Variants in LMNA observed in about 807,000 individuals in gnomAD.
LMNA encodes the protein lamin.
LMNA carries 20 observed loss-of-function variants against 70.4 expected under a neutral mutation model. The observed-to-expected ratio is 0.28, with a 90% CI of 0.20 to 0.41. The LOEUF is 0.41. Ranked by LOEUF, LMNA falls within the 10% of genes least tolerant of loss-of-function variation. The pLI is 1.00. For synonymous variants in LMNA, 339 were observed against 372.8 expected, an observed-to-expected ratio of 0.91 and a Z score of 1.04; for missense variants, 652 against 917.2, an observed-to-expected ratio of 0.71 and a Z score of 3.73.
At chr1:156,122,958 G>T (rs568336655) in intron 1 of LMNA, among the ~76,000 whole-genome samples, 1 of 152,336 alleles carries the variant, frequency 6.6e-6, no homozygotes, top group East Asian at 1.9e-4. Context: ...TGTGAGAGAG[G>T]AAGCCGGAAT....
rs368245673 is a variant in LMNA at position 156,137,353 on chromosome 1, C to T, written c.1608+121C>T. ...GGCCCCTTTCTAGAGCTCTCTGTTG[C>T]AGGCTCCAGACTTCTCCACCCAGTA... On this transcript the variant is annotated intron_variant, in intron 9 of 11. Transcript: ENST00000368300. The surrounding 1 kb of genome is among the most constrained non-coding windows in gnomAD (Gnocchi z 4.6). 3.5e-5 allele frequency: 46 copies of T among 1,330,668 alleles called. No individual in the cohort carries two copies. In the East Asian group the frequency reaches 6.3e-4, roughly 18 times the overall value. The allele number at this position is 1,330,668 out of a possible 1,614,324, so 82.4% of individuals were successfully genotyped here. A position where few individuals can be genotyped will look rare whatever the true frequency, so the allele number is the denominator to read the frequency against.
In LMNA at chr1:156,137,148, C is replaced by T. The variant is rs772978446; in HGVS notation, c.1524C>T (p.Pro508=). ...CAGGAGCTGGGGCCACCCACAGCCCCCCTACCGACCTGGTGTGGAAGGCAC... is the reference window on the plus strand; with the variant it reads ...CAGGAGCTGGGGCCACCCACAGCCCTCCTACCGACCTGGTGTGGAAGGCAC... ...WAAGAGATHS[P]PTDLVWKAQN... The change falls in exon 9 of 12, where the codon CCC becomes CCT. Residue 508 remains proline, a synonymous_variant. Coordinates refer to ENST00000368300, the MANE Select transcript of LMNA (RefSeq NM_170707.4). This position sits in a 1 kb window ranked among gnomAD's most constrained non-coding sequence, Gnocchi z 4.6. 6.2e-7 allele frequency: 1 copy of T among 1,613,292 alleles called. No individual in the cohort carries two copies. The highest frequency in any genetic ancestry group is 1.1e-5 in the South Asian group (1 of 90,968).
At chr1:156,122,762 G>A (rs190622337) in intron 1 of LMNA, among the ~76,000 whole-genome samples, 1 of 152,352 alleles carries the variant, frequency 6.6e-6, no homozygotes, top group Admixed American at 6.5e-5. Context: ...TTAGAGAACA[G>A]TGCCTGGAAC....
At chr1:156,119,972 T>C (rs1436249278) in intron 1 of LMNA, among the ~76,000 whole-genome samples, 1 of 152,176 alleles carries the variant, frequency 6.6e-6, no homozygotes, top group African/African-American at 2.4e-5. Flanking sequence ...TTCAGAGTTA[T>C]GGATTGGGCT....
chr1:156,109,071 T>C (rs1649445521), intron 3 of LMNA, among the ~76,000 whole-genome samples: 1 of 152,206 alleles, frequency 6.6e-6, no homozygotes, highest in Non-Finnish European at 1.5e-5. Context: ...AGTTTCCTCA[T>C]CTGTAAAATA....
chr1:156,121,170 C>T (rs968480710), intron 1 of LMNA, among the ~76,000 whole-genome samples: 2 of 151,634 alleles, frequency 1.3e-5, no homozygotes, highest in Admixed American at 1.3e-4. Flanking sequence ...CCACCTCAGC[C>T]TCCCAAGAAG....
chr1:156,137,428 A>G lies in LMNA; in HGVS notation c.1608+196A>G, dbSNP rs1367326608. 1.2e-6 allele frequency: 1 copy of G among 808,214 alleles called. No individual in the cohort carries two copies. Among genetic ancestry groups the G allele is most frequent in the South Asian group, 1.6e-5 (1 of 63,160 alleles). The allele number at this position is 808,214 out of a possible 1,614,324, so 50.1% of individuals were successfully genotyped here. ...ACAGCACAAGGGGTGGAAGTTAGACAGTGAGGATTGTTAAAGGCAGAGCCA... is the reference window on the plus strand; with the variant it reads ...ACAGCACAAGGGGTGGAAGTTAGACGGTGAGGATTGTTAAAGGCAGAGCCA... On this transcript the variant is annotated intron_variant, in intron 9 of 11. Coordinates refer to ENST00000368300, the MANE Select transcript of LMNA (RefSeq NM_170707.4). This position sits in a 1 kb window ranked among gnomAD's most constrained non-coding sequence, Gnocchi z 4.6.
intron 2 of LMNA, among the ~76,000 whole-genome samples, chr1:156,132,509 A>G (rs1651164577): frequency 6.6e-6 from 1 of 152,106 alleles, no homozygotes; most frequent in Admixed American, 6.6e-5. Flanking sequence ...TAAATAATAA[A>G]TAAAAGCTAA....
At position 156,114,990 on chromosome 1, in the gene LMNA, C is replaced by T. The variant is rs1572331957; in HGVS notation, c.72C>T (p.Thr24=). 8.1e-6 allele frequency: 13 copies of T among 1,598,384 alleles called. No individual in the cohort carries two copies. The highest frequency in any genetic ancestry group is 1.0e-5 in the Non-Finnish European group (12 of 1,172,812). ...AQASSTPLSP[T]RITRLQEKED... ...CCAGCTCCACTCCGCTGTCGCCCAC[C>T]CGCATCACCCGGCTGCAGGAGAAGG... The change falls in exon 1 of 12, where the codon ACC becomes ACT. Residue 24 remains threonine, a synonymous_variant. Coordinates refer to ENST00000368300, the MANE Select transcript of LMNA (RefSeq NM_170707.4).
rs1416175220 is a variant in LMNA, at chr1:156,136,192, C to T, written c.1158-22C>T. 6.2e-7 allele frequency: 1 copy of T among 1,612,322 alleles called. No individual in the cohort carries two copies. Among genetic ancestry groups the T allele is most frequent in the Admixed American group, 1.7e-5 (1 of 60,012 alleles). ...CGGCAACTGGCCTTGACTAGACCCCCACTTGGTCTCCCTCTCCCCAGGCTA... is the reference window on the plus strand; with the variant it reads ...CGGCAACTGGCCTTGACTAGACCCCTACTTGGTCTCCCTCTCCCCAGGCTA... On this transcript the variant is annotated intron_variant, in intron 6 of 11. Coordinates refer to ENST00000368300, the MANE Select transcript of LMNA (RefSeq NM_170707.4). The surrounding 1 kb of genome is among the most constrained non-coding windows in gnomAD (Gnocchi z 6.1).
intron 1 of LMNA, among the ~76,000 whole-genome samples, chr1:156,118,164 G>A (rs1480948935): frequency 3.3e-5 from 5 of 152,082 alleles, no homozygotes; most frequent in African/African-American, 1.2e-4. Context: ...GAACAATTTA[G>A]TTAGCAAGAC....
chr1:156,119,597 C>A (rs1650058623), intron 1 of LMNA, among the ~76,000 whole-genome samples: 1 of 152,192 alleles, frequency 6.6e-6, no homozygotes, highest in Non-Finnish European at 1.5e-5. Flanking sequence ...TAGTCTGTAG[C>A]CCAAGGGATT....
At chr1:156,088,105 C>T (rs1259229529) in intron 2 of LMNA, among the ~76,000 whole-genome samples, 2 of 151,570 alleles carry the variant, frequency 1.3e-5, no homozygotes, top group East Asian at 1.9e-4. Flanking sequence ...CTCTTGACCT[C>T]GTGATCCGCC....
rs1225861389 is a variant in LMNA at position 156,134,673 on chromosome 1, AG to A, written c.640-131del. ...AGGGAGTTGGGGGTGGCCAGCACTC[AG>A]CTCCCAGGTTAAAGTGGGGCTGGTA... On this transcript the variant is annotated intron_variant, in intron 3 of 11. Transcript: ENST00000368300. This position sits in a 1 kb window ranked among gnomAD's most constrained non-coding sequence, Gnocchi z 5.3. 1 of 1,544,724 alleles carries A rather than the reference AG, an allele frequency of 6.5e-7. No individual in the cohort carries two copies. The highest frequency in any genetic ancestry group is 1.4e-5 in the African/African-American group (1 of 73,476).
rs1302603574 is a variant in LMNA, at chr1:156,139,626, T to C, written c.*520T>C. The C allele has an allele frequency of 4.9e-6, 7 of 1,438,042 alleles. No individual in the cohort carries two copies. The highest frequency in any genetic ancestry group is 6.4e-6 in the Non-Finnish European group (7 of 1,102,124). The allele number at this position is 1,438,042 out of a possible 1,614,324, so 89.1% of individuals were successfully genotyped here. A position where few individuals can be genotyped will look rare whatever the true frequency, so the allele number is the denominator to read the frequency against. ...GAGAGGACAGCTTGAGCCGGGCCCC[T>C]GGGCTTGGCCTGCTGTGATTCCACT... On this transcript the variant is annotated 3_prime_UTR_variant, in exon 12 of 12. Transcript: ENST00000368300.
intron 1 of LMNA, chr1:156,126,196 G>A: frequency 1.3e-6 from 2 of 1,527,304 alleles, no homozygotes; most frequent in Non-Finnish European, 1.8e-6. Context: ...CCTGTGTGCT[G>A]CCTGGCAATG....
intron 1 of LMNA, among the ~76,000 whole-genome samples, chr1:156,127,845 C>A (rs1191789547): frequency 6.6e-6 from 1 of 152,082 alleles, no homozygotes; most frequent in African/African-American, 2.4e-5. Flanking sequence ...CACCACCTTG[C>A]CCGACTAATT....
rs1651668098 is a variant in LMNA, at chr1:156,136,692, T to C, written c.1381-229T>C. 2 of 669,716 alleles carry C rather than the reference T, an allele frequency of 3.0e-6. No homozygotes were observed. The highest frequency in any genetic ancestry group is 3.6e-5 in the African/African-American group (2 of 56,232). 41.5% of individuals were successfully genotyped at this position (669,716 alleles called of 1,614,324 possible). A position where few individuals can be genotyped will look rare whatever the true frequency, so the allele number is the denominator to read the frequency against. Reference sequence around the variant, plus strand: ...ATGGGGATGAATACTGATCCCTAAGTCTTTGAGTTGTCAGGAAGATGAAAG... The same window carrying C: ...ATGGGGATGAATACTGATCCCTAAGCCTTTGAGTTGTCAGGAAGATGAAAG... On this transcript the variant is annotated intron_variant, in intron 7 of 11. Transcript: ENST00000368300. This position sits in a 1 kb window ranked among gnomAD's most constrained non-coding sequence, Gnocchi z 6.1.
rs1319489079 is a variant in LMNA, at chr1:156,138,006, G to A, written c.1698+263G>A. On this transcript the variant is annotated intron_variant, in intron 10 of 11. Coordinates refer to ENST00000368300, the MANE Select transcript of LMNA (RefSeq NM_170707.4). This position sits in a 1 kb window ranked among gnomAD's most constrained non-coding sequence, Gnocchi z 5.5. ...TATTCCTGTGGGAGCAGTGGACAAG[G>A]GTCTGGATTTGTCTTCTGGGAAAGG... 1.4e-6 allele frequency: 1 copy of A among 697,262 alleles called. No individual in the cohort carries two copies. Among genetic ancestry groups the A allele is most frequent in the Non-Finnish European group, 2.3e-6 (1 of 432,640 alleles). 43.2% of individuals were successfully genotyped at this position (697,262 alleles called of 1,614,324 possible). A position where few individuals can be genotyped will look rare whatever the true frequency, so the allele number is the denominator to read the frequency against.
Sources: gnomAD v4.1 joint callset for allele counts (sites outside exome capture counted in the v4.1 genomes callset) on GRCh38, gnomAD v4.1.1 for gene constraint, Gnocchi (gnomAD v3.1) non-coding constraint, MANE v1.5 for transcripts, NCBI Gene and HGNC (gene_info 2026-07-23, HGNC 2026-07-21) for gene names.